The following FAT3 variants were observed in gnomAD, a reference collection of about 807,000 sequenced individuals.
FAT3 encodes the protein protocadherin Fat 3.
Under a neutral mutation model 310.2 loss-of-function variants are expected in FAT3, and 95 were observed. The ratio of observed to expected loss-of-function variants is 0.31; its 90% CI spans 0.26 to 0.36. The LOEUF (loss-of-function observed/expected upper bound fraction) is 0.36. Among genes scored for constraint, FAT3 ranks in the 10% least tolerant of loss-of-function variants. FAT3 has a pLI of 1.00. For missense variants in FAT3, 5,408 were observed against 5,715.6 expected, an observed-to-expected ratio of 0.95 and a Z score of 1.74; for synonymous variants, 2,314 against 2,192.9, an observed-to-expected ratio of 1.06 and a Z score of -1.54.
intron 3 of FAT3, among the ~76,000 whole-genome samples, chr11:92,671,046 T>A (rs935594111): frequency 9.2e-5 from 14 of 151,704 alleles, no homozygotes; most frequent in African/African-American, 3.4e-4. Context: ...TTGTTTTTTG[T>A]TTTTTGTTTT....
chr11:92,412,402 A>AT (rs780298367), intron 2 of FAT3, among the ~76,000 whole-genome samples: 5,284 of 101,084 alleles, frequency 0.052, 245 homozygotes, highest in African/African-American at 0.085. Flanking sequence ...GACCCGGCCT[A>AT]TTTTTTTTTT....
chr11:92,457,996 C>T (rs776116066), intron 2 of FAT3, among the ~76,000 whole-genome samples: 1 of 152,138 alleles, frequency 6.6e-6, no homozygotes, highest in Non-Finnish European at 1.5e-5. Flanking sequence ...ATGCCAGCAG[C>T]TCTCCTGTCT....
At chr11:92,396,433 C>G (rs1949870011) in intron 2 of FAT3, among the ~76,000 whole-genome samples, 1 of 152,178 alleles carries the variant, frequency 6.6e-6, no homozygotes, top group African/African-American at 2.4e-5. Context: ...TACACTTACT[C>G]TCATACAGCC....
Position 92,401,620 on chromosome 11 carries a change from C to A in FAT3, c.3292+46216C>A, listed in dbSNP as rs1421956993. On this transcript the variant is annotated intron_variant, in intron 2 of 27. Transcript: ENST00000525166. ...CTTGAAACACAGCCTCACTGAAAGA[C>A]TGAGGCTTAATTAAGAAGACTTGCA... Among the ~76,000 whole-genome samples, 4 of 152,126 alleles carry A rather than the reference C, an allele frequency of 2.6e-5. No homozygotes were observed. In the East Asian group the frequency reaches 7.7e-4, roughly 29 times the overall value.
rs747692902 is a variant in FAT3, at chr11:92,836,750, T to C, written c.10224+47T>C. On this transcript the variant is annotated intron_variant, in intron 16 of 27. Transcript: ENST00000525166. The stretch of plus-strand genomic sequence containing the variant: ...TCCTTCCCATCCACATCCACCACTT[T>C]CCTAGAATCAGGGGCACAAGCTCCA... 30 of 1,587,892 alleles carry C rather than the reference T, an allele frequency of 1.9e-5. No individual in the cohort carries two copies. In the South Asian group the frequency reaches 3.4e-4, roughly 18 times the overall value.
chr11:92,824,311 C>T (rs763542674), intron 13 of FAT3, among the ~76,000 whole-genome samples: 2 of 152,056 alleles, frequency 1.3e-5, no homozygotes, highest in Non-Finnish European at 1.5e-5. Context: ...GAGCTGAGAT[C>T]ACACCACTGC....
chr11:92,480,158 A>G (rs655943), intron 2 of FAT3, among the ~76,000 whole-genome samples: 96,475 of 151,676 alleles, frequency 0.64, 31,685 homozygotes, highest in East Asian at 0.81. Flanking sequence ...CCAGCTACTC[A>G]GGAGGCTGAG....
At chr11:92,764,692 G>A (rs1170858475) in intron 5 of FAT3, among the ~76,000 whole-genome samples, 187 bp from the exon 6 acceptor site, 1 of 152,152 alleles carries the variant, frequency 6.6e-6, no homozygotes, top group African/African-American at 2.4e-5. Context: ...ATGGTGCAAG[G>A]TCTGCACATG....
chr11:92,450,671 C>T lies in FAT3; in HGVS notation c.3293-73963C>T, dbSNP rs537694061. 1.7e-4 allele frequency among the ~76,000 whole-genome samples: 26 copies of T among 152,246 alleles called. No individual in the cohort carries two copies. In the South Asian group the frequency reaches 5.4e-3, roughly 32 times the overall value. On this transcript the variant is annotated intron_variant, in intron 2 of 27. Coordinates refer to ENST00000525166, the MANE Select transcript of FAT3 (RefSeq NM_001367949.2). ...TCAATCAGGTGAATCAGAAGATATG[C>T]TCCAGAAGCCATGAAATCCCTAAGT...
intron 3 of FAT3, among the ~76,000 whole-genome samples, chr11:92,549,382 A>G (rs1471718621): frequency 6.6e-6 from 1 of 152,164 alleles, no homozygotes; most frequent in Non-Finnish European, 1.5e-5. Flanking sequence ...TTACTCTTAC[A>G]ATGCTGGAAA....
intron 3 of FAT3, among the ~76,000 whole-genome samples, chr11:92,581,656 G>C (rs1055168714): frequency 4.0e-5 from 6 of 150,256 alleles, no homozygotes; most frequent in African/African-American, 1.5e-4. Context: ...GTCTGCCAAG[G>C]GGGGGGATTA....
At chr11:92,265,792 G>T (rs1040673799) in intron 1 of FAT3, among the ~76,000 whole-genome samples, 1 of 151,858 alleles carries the variant, frequency 6.6e-6, no homozygotes, top group African/African-American at 2.4e-5. Context: ...CTTTTGTAAG[G>T]CACTAACCCC....
At chr11:92,713,758 C>T (rs939957719) in intron 4 of FAT3, among the ~76,000 whole-genome samples, 1 of 152,106 alleles carries the variant, frequency 6.6e-6, no homozygotes, top group Non-Finnish European at 1.5e-5. Context: ...TTTGAAAATG[C>T]GTATTTTCCC....
At chr11:92,756,916 ATTTTTTTTT>A (rs34317439) in intron 4 of FAT3, among the ~76,000 whole-genome samples, 4 of 90,288 alleles carry the variant, frequency 4.4e-5, no homozygotes, top group African/African-American at 1.9e-4. Flanking sequence ...TTGTGGCTCC[ATTTTTTTTT>A]TTTTTTTTTT....
chr11:92,616,824 A>G (rs991292069), intron 3 of FAT3, among the ~76,000 whole-genome samples: 13 of 152,144 alleles, frequency 8.5e-5, no homozygotes, highest in Non-Finnish European at 1.2e-4. Flanking sequence ...ACTGGCTTGT[A>G]GAGTTTCTGC....
At chr11:92,647,877 C>A (rs1005330364) in intron 3 of FAT3, among the ~76,000 whole-genome samples, 1 of 151,946 alleles carries the variant, frequency 6.6e-6, no homozygotes, top group Non-Finnish European at 1.5e-5. Context: ...GTTAAAAGTA[C>A]AGAACAGGAA....
At chr11:92,450,756 T>C (rs1951334327) in intron 2 of FAT3, among the ~76,000 whole-genome samples, 2 of 152,344 alleles carry the variant, frequency 1.3e-5, no homozygotes, top group South Asian at 4.1e-4. Context: ...TTTGTGGCTA[T>C]GCTAAACTGA....
Position 92,790,122 on chromosome 11 carries a change from C to T in FAT3, c.4515C>T (p.Ser1505=), listed in dbSNP as rs1946999648. The T allele has an allele frequency of 2.5e-6, 4 of 1,613,784 alleles. No individual in the cohort carries two copies. In the South Asian group the frequency reaches 4.4e-5, roughly 18 times the overall value. ...TTCATAGCAGCATCGACTCCATCAG[C>T]ATGAGAAAATTCCGGATTGACCCTA... ...YTVHSSIDSI[S]MRKFRIDPST... Residue 1505 remains serine, a synonymous_variant, in exon 8 of 28, where the codon AGC becomes AGT. Coordinates refer to ENST00000525166, the MANE Select transcript of FAT3 (RefSeq NM_001367949.2).
intron 7 of FAT3, among the ~76,000 whole-genome samples, chr11:92,776,840 A>G (rs1332026593): frequency 6.6e-6 from 1 of 152,076 alleles, no homozygotes; most frequent in Non-Finnish European, 1.5e-5. Flanking sequence ...CTTGTATGTC[A>G]TTGGTATTGC....
Sources: allele counts gnomAD v4.1 joint callset (sites outside exome capture counted in the v4.1 genomes callset), GRCh38; gene constraint gnomAD v4.1.1; transcripts MANE v1.5; gene names NCBI Gene and HGNC (gene_info 2026-07-23, HGNC 2026-07-21).